PTPRO: variants seen among roughly 807,000 people sequenced by gnomAD.
PTPRO encodes the protein receptor-type tyrosine-protein phosphatase O.
PTPRO carries 62 observed loss-of-function variants against 145.2 expected under a neutral mutation model. That is an observed-to-expected ratio of 0.43 (90% CI 0.35 to 0.53). The LOEUF (loss-of-function observed/expected upper bound fraction) is 0.53. Ranked by LOEUF, PTPRO falls within the 20% of genes least tolerant of loss-of-function variation. The probability of loss-of-function intolerance (pLI) is 0.01; values close to 1 mark genes in which losing one functional copy is unlikely to be tolerated. For missense variants in PTPRO, 1,345 were observed against 1,482.7 expected (o/e 0.91, Z 1.53); for synonymous variants, 565 against 514.7 (o/e 1.10, Z -1.32).
At chr12:15,530,668 C>A (rs923284125) in intron 12 of PTPRO, among the ~76,000 whole-genome samples, 2 of 151,978 alleles carry the variant, frequency 1.3e-5, no homozygotes, top group African/African-American at 4.8e-5. Context: ...TTTAAAAATT[C>A]TTGAGACAAA....
chr12:15,331,924 T>A (rs1306731404), intron 1 of PTPRO, among the ~76,000 whole-genome samples: 3 of 152,082 alleles, frequency 2.0e-5, no homozygotes, highest in Non-Finnish European at 4.4e-5. Flanking sequence ...ATTTTCAAAC[T>A]TGTTTGATTA....
At chr12:15,463,065 C>A (rs1178530211) in intron 1 of PTPRO, among the ~76,000 whole-genome samples, 1 of 152,018 alleles carries the variant, frequency 6.6e-6, no homozygotes, top group African/African-American at 2.4e-5. Flanking sequence ...TTATTAAATT[C>A]TTCTGCAAAT....
At position 15,497,397 on chromosome 12, in the gene PTPRO, T is replaced by C. The variant is rs569717831; in HGVS notation, c.502T>C (p.Tyr168His). ...WEGKDFRTML[Y>H]KDFFKGKTVF... is the part of the protein sequence containing the mutation. ...AGGTAAAGACTTCCGGACAATGCTA[T>C]ATAAAGGTAAGCAGCAAAAGGAAAG... Residue 168 changes from tyrosine to histidine, a missense_variant, in exon 3 of 27, where the codon TAT (tyrosine) becomes CAT (histidine). This residue lies in a region of PTPRO where 1,130 missense variants were observed against 1,214.7 expected (regional missense o/e 0.93). Coordinates refer to ENST00000281171, the MANE Select transcript of PTPRO (RefSeq NM_030667.3). The C allele has an allele frequency of 4.3e-6, 7 of 1,613,326 alleles. No individual in the cohort carries two copies. The South Asian group carries it at 4.4e-5, about 10-fold the overall frequency.
At chr12:15,485,795 A>G (rs1941873586) in intron 2 of PTPRO, among the ~76,000 whole-genome samples, 1 of 152,184 alleles carries the variant, frequency 6.6e-6, no homozygotes, top group South Asian at 2.1e-4. Context: ...CATTCAAAAT[A>G]TATTCTATTT....
intron 1 of PTPRO, among the ~76,000 whole-genome samples, chr12:15,355,830 A>C (rs768552365): frequency 6.6e-6 from 1 of 152,256 alleles, no homozygotes; most frequent in Non-Finnish European, 1.5e-5. Flanking sequence ...ATAACAAAAA[A>C]GTATCTATTC....
intron 1 of PTPRO, among the ~76,000 whole-genome samples, chr12:15,328,468 G>A (rs1265381601): frequency 6.6e-6 from 1 of 152,116 alleles, no homozygotes; most frequent in African/African-American, 2.4e-5. Context: ...CAAGGTTGCG[G>A]GGATTTCCTG....
chr12:15,356,026 G>A (rs1273771505), intron 1 of PTPRO, among the ~76,000 whole-genome samples: 1 of 152,202 alleles, frequency 6.6e-6, no homozygotes, highest in Non-Finnish European at 1.5e-5. Context: ...TGTTGCCTGA[G>A]ATTGTTGTGG....
chr12:15,381,190 A>G (rs556920373), intron 1 of PTPRO, among the ~76,000 whole-genome samples: 2 of 152,302 alleles, frequency 1.3e-5, no homozygotes, highest in African/African-American at 4.8e-5. Flanking sequence ...TCAGAATACA[A>G]TTTTTAAGAT....
chr12:15,534,640 C>T (rs1264932737), intron 12 of PTPRO, among the ~76,000 whole-genome samples: 1 of 152,034 alleles, frequency 6.6e-6, no homozygotes, highest in Non-Finnish European at 1.5e-5. Context: ...AAGAACCAGC[C>T]ACAAAAAGGC....
intron 16 of PTPRO, among the ~76,000 whole-genome samples, chr12:15,557,911 A>G (rs1191617508): frequency 6.6e-6 from 1 of 151,882 alleles, no homozygotes; most frequent in East Asian, 1.9e-4. Flanking sequence ...TTTATTTTAT[A>G]TTTTATTTTA....
intron 3 of PTPRO, among the ~76,000 whole-genome samples, 189 bp from the exon 4 acceptor site, chr12:15,499,253 C>T (rs2136465360): frequency 6.6e-6 from 1 of 152,228 alleles, no homozygotes; most frequent in East Asian, 1.9e-4. Context: ...CAGAAAAAGC[C>T]CTTCAGGATT....
At chr12:15,474,477 C>A (rs79823605) in intron 1 of PTPRO, among the ~76,000 whole-genome samples, 208 of 152,266 alleles carry the variant, frequency 1.4e-3, no homozygotes, top group Non-Finnish European at 2.3e-3. Flanking sequence ...TACCAAGAGG[C>A]ATAAGGATAT....
chr12:15,449,583 A>AGCT (rs1389446613), intron 1 of PTPRO, among the ~76,000 whole-genome samples: 1 of 152,232 alleles, frequency 6.6e-6, no homozygotes. Flanking sequence ...TACTGAGAGT[A>AGCT]GATGCTCTTA....
chr12:15,551,303 T>C (rs1363961279), intron 14 of PTPRO, among the ~76,000 whole-genome samples: 6 of 152,194 alleles, frequency 3.9e-5, no homozygotes, highest in Non-Finnish European at 8.8e-5. Context: ...TGTAAGAATA[T>C]CCTGAATGTT....
At chr12:15,397,059 C>T (rs187786807) in intron 1 of PTPRO, among the ~76,000 whole-genome samples, 1 of 151,972 alleles carries the variant, frequency 6.6e-6, no homozygotes, top group African/African-American at 2.4e-5. Flanking sequence ...AATTCTAAGA[C>T]CATTAGATAA....
intron 1 of PTPRO, among the ~76,000 whole-genome samples, chr12:15,361,689 A>T (rs529294007): frequency 1.3e-5 from 2 of 152,144 alleles, no homozygotes; most frequent in Non-Finnish European, 2.9e-5. Context: ...TGAATGAATG[A>T]ATTTTAAAAT....
At chr12:15,449,488 G>T (rs553581013) in intron 1 of PTPRO, among the ~76,000 whole-genome samples, 1 of 152,176 alleles carries the variant, frequency 6.6e-6, no homozygotes, top group Non-Finnish European at 1.5e-5. Context: ...GCAAACTTGT[G>T]GTTATATAGG....
chr12:15,508,763 C>T lies in PTPRO; in HGVS notation c.1460C>T (p.Thr487Ile). Reference protein sequence around the residue: ...ESQRLEKQYCTQVNSSKPIIE... With the variant: ...ESQRLEKQYCIQVNSSKPIIE... ...CAGAGGCTTGAAAAGCAGTACTGCA[C>T]TCAGGTAAAGGAGAGGAAATGAGAA... is the stretch of plus-strand genomic sequence containing the variant. The change falls in exon 7 of 27, where the codon ACT becomes ATT. Residue 487 changes from threonine (T) to isoleucine (I), a missense_variant. Coordinates refer to ENST00000281171, the MANE Select transcript of PTPRO (RefSeq NM_030667.3). 1 of 1,613,946 alleles carries T rather than the reference C, an allele frequency of 6.2e-7. No homozygotes were observed. Among genetic ancestry groups the T allele is most frequent in the Non-Finnish European group, 8.5e-7 (1 of 1,179,940 alleles).
chr12:15,351,047 T>C (rs1214319685), intron 1 of PTPRO, among the ~76,000 whole-genome samples: 5 of 151,918 alleles, frequency 3.3e-5, no homozygotes, highest in Non-Finnish European at 7.4e-5. Context: ...CAGCAATGGG[T>C]TTTTCTTGCA....
Sources: allele counts gnomAD v4.1 joint callset (sites outside exome capture counted in the v4.1 genomes callset), GRCh38; gene constraint gnomAD v4.1.1; regional missense constraint gnomAD v4.1.1; transcripts MANE v1.5; gene names NCBI Gene and HGNC (gene_info 2026-07-23, HGNC 2026-07-21).